The following MTCH2 variants were observed in gnomAD, a reference collection of about 807,000 sequenced individuals.
MTCH2 encodes mitochondrial carrier homolog 2.
MTCH2 carries 25 observed loss-of-function variants against 50.6 expected under a neutral mutation model. That is an observed-to-expected ratio of 0.49 (90% confidence interval 0.36 to 0.69). The LOEUF (loss-of-function observed/expected upper bound fraction) is 0.69, where lower values mean the gene tolerates loss of function less well. MTCH2 is among the 30% of genes least tolerant of loss of function. MTCH2 has a pLI of 0.00. For synonymous variants in MTCH2, 106 were observed against 132.0 expected (o/e 0.80, Z 1.35); for missense variants, 273 against 384.4 (o/e 0.71, Z 2.42).
Position 47,630,618 on chromosome 11 carries a change from C to CT in MTCH2, c.480-5_480-4insA. The stretch of plus-strand genomic sequence containing the variant: ...TATTATGGAATCACAAAGTCCACTA[C>CT]GTACACAAGAAGAAAAGGTAAAATA... On this transcript the variant is annotated splice_polypyrimidine_tract_variant and splice_region_variant and intron_variant, in intron 7 of 12. Coordinates refer to ENST00000302503, the MANE Select transcript of MTCH2 (RefSeq NM_014342.4). 2 of 1,607,248 alleles carry CT rather than the reference C, an allele frequency of 1.2e-6. No individual in the cohort carries two copies. Among genetic ancestry groups the CT allele is most frequent in the Non-Finnish European group, 1.7e-6 (2 of 1,174,400 alleles).
In MTCH2 at chr11:47,631,041, C is replaced by T. The variant is rs200311367; in HGVS notation, c.474G>A (p.Lys158=). The T allele has an allele frequency of 1.1e-5, 18 of 1,611,044 alleles. No homozygotes were observed. The highest frequency in any genetic ancestry group is 1.5e-5 in the Non-Finnish European group (18 of 1,177,416). Residue 158 remains lysine, a synonymous_variant, in exon 7 of 13, where the codon AAG becomes AAA. Transcript: ENST00000302503. ...SMVQFIGRES[K]YCGLCDSIIT... ...GTGAAAACAAAAATACTTACCAGTA[C>T]TTGGATTCTCTGCCAATGAACTGTA... is the stretch of plus-strand genomic sequence containing the variant.
chr11:47,622,586 C>T, intron 12 of MTCH2, 115 bp downstream of exon 12: 1 of 803,836 alleles, frequency 1.2e-6, no homozygotes, highest in Non-Finnish European at 2.0e-6. Flanking sequence ...ACTAGACTAA[C>T]TCTAGCTAAA....
chr11:47,634,769 A>ATTT (rs139407275), intron 4 of MTCH2, 35 bp from the exon 5 acceptor site: 21,567 of 729,598 alleles, frequency 0.03, 15 homozygotes, highest in South Asian at 0.073. Flanking sequence ...AGAGATCTTG[A>ATTT]TTTTTTTTTT....
chr11:47,630,885 C>T, intron 7 of MTCH2, 151 bp downstream of exon 7: 2 of 762,796 alleles, frequency 2.6e-6, no homozygotes, highest in Non-Finnish European at 4.2e-6. Flanking sequence ...TATATTTTCT[C>T]CCATTTTATT....
At chr11:47,604,556 GC>G in the MTCH2 span, among the ~76,000 whole-genome samples, 1 of 152,136 alleles carries the variant, frequency 6.6e-6, no homozygotes, top group Non-Finnish European at 1.5e-5. Context: ...TTTTAGCATG[GC>G]TTGTAATAGC....
intron 9 of MTCH2, among the ~76,000 whole-genome samples, chr11:47,627,876 A>AT (rs1565967326): frequency 6.6e-6 from 1 of 152,198 alleles, no homozygotes; most frequent in Non-Finnish European, 1.5e-5. Flanking sequence ...ATTCAATATT[A>AT]ACAGACAAAT....
chr11:47,605,778 C>G, the MTCH2 span, among the ~76,000 whole-genome samples: 32 of 152,290 alleles, frequency 2.1e-4, no homozygotes, highest in African/African-American at 7.7e-4. Flanking sequence ...CAATGTCTAA[C>G]TGGAAACAAG....
intron 8 of MTCH2, chr11:47,629,250 T>C: frequency 5.6e-6 from 3 of 533,550 alleles, no homozygotes; most frequent in East Asian, 3.3e-5. Context: ...CCAGTGACTT[T>C]TGTTCCTATG....
intron 12 of MTCH2, among the ~76,000 whole-genome samples, chr11:47,620,845 C>T (rs117661678): frequency 0.014 from 2,201 of 152,274 alleles, 115 homozygotes; most frequent in Admixed American, 0.084. Flanking sequence ...CACCTATTCT[C>T]ACACAGCTGT....
At chr11:47,628,671 T>C (rs1172998340) in intron 9 of MTCH2, among the ~76,000 whole-genome samples, 1 of 152,008 alleles carries the variant, frequency 6.6e-6, no homozygotes, top group Non-Finnish European at 1.5e-5. Context: ...GCCTCCTGGG[T>C]TCAAGCAATT....
chr11:47,613,533 C>CTA (rs1473881222), downstream of MTCH2, among the ~76,000 whole-genome samples: 1 of 152,166 alleles, frequency 6.6e-6, no homozygotes, highest in African/African-American at 2.4e-5. Context: ...CTACACTGAA[C>CTA]TAATGGTACC....
At chr11:47,631,873 T>C (rs926695682) in intron 5 of MTCH2, among the ~76,000 whole-genome samples, 162 bp from the exon 6 acceptor site, 3 of 152,168 alleles carry the variant, frequency 2.0e-5, no homozygotes, top group Admixed American at 1.3e-4. Context: ...ATGTGAAAGA[T>C]CTCATTCATT....
At chr11:47,612,436 C>T (rs1268058620), downstream of MTCH2, among the ~76,000 whole-genome samples, 1 of 152,044 alleles carries the variant, frequency 6.6e-6, no homozygotes, top group Admixed American at 6.6e-5. Context: ...GGCGTGGTGG[C>T]GGGCACCTGT....
intron 5 of MTCH2, among the ~76,000 whole-genome samples, chr11:47,633,410 G>A (rs2097305161): frequency 6.9e-6 from 1 of 144,460 alleles, no homozygotes; most frequent in Non-Finnish European, 1.5e-5. Flanking sequence ...ACGCCCGGCC[G>A]TATCCCTGCT....
chr11:47,626,504 C>T (rs2097298332), intron 10 of MTCH2, among the ~76,000 whole-genome samples: 1 of 152,000 alleles, frequency 6.6e-6, no homozygotes, highest in South Asian at 2.1e-4. Context: ...GAAAGGCACG[C>T]CCCTTATGAA....
At chr11:47,641,435 A>G (rs560970903) in intron 1 of MTCH2, among the ~76,000 whole-genome samples, 1 of 152,244 alleles carries the variant, frequency 6.6e-6, no homozygotes, top group Admixed American at 6.6e-5. Context: ...TGTCTTGCCT[A>G]TTTTTTACAG....
intron 11 of MTCH2, among the ~76,000 whole-genome samples, chr11:47,623,950 G>A (rs944355728): frequency 1.3e-5 from 2 of 152,170 alleles, no homozygotes; most frequent in Non-Finnish European, 2.9e-5. Flanking sequence ...TACTCTGGAG[G>A]CTGAGGCAGG....
chr11:47,630,471 G>A, intron 8 of MTCH2, 84 bp downstream of exon 8: 1 of 1,192,024 alleles, frequency 8.4e-7, no homozygotes, highest in Non-Finnish European at 1.3e-6. Flanking sequence ...TTTCCCCAAG[G>A]ATTAAACAAA....
chr11:47,619,774 CTACAAAAAA>C (rs1332420074), intron 12 of MTCH2, among the ~76,000 whole-genome samples: 4 of 152,122 alleles, frequency 2.6e-5, no homozygotes, highest in Admixed American at 2.6e-4. Flanking sequence ...AACCCCGTTG[CTACAAAAAA>C]TACAAAAAAT....
Sources: gnomAD v4.1 joint callset for allele counts (sites outside exome capture counted in the v4.1 genomes callset) on GRCh38, gnomAD v4.1.1 for gene constraint, MANE v1.5 for transcripts, NCBI Gene and HGNC (gene_info 2026-07-23, HGNC 2026-07-21) for gene names.